Variants in CRHR2 observed in about 807,000 individuals in gnomAD.
CRHR2 encodes the protein corticotropin-releasing hormone receptor 2.
In CRHR2, 53 loss-of-function variants were observed where a neutral mutation model predicts 57.9. That is an observed-to-expected ratio of 0.92 (90% CI 0.73 to 1.15). The LOEUF (loss-of-function observed/expected upper bound fraction) is 1.15. CRHR2 is among the 50% of genes most tolerant of loss of function. CRHR2 has a pLI of 0.00. For missense variants in CRHR2, 532 were observed against 542.6 expected (o/e 0.98, Z 0.19); for synonymous variants, 213 against 220.9 (o/e 0.96, Z 0.32).
chr7:30,695,169 C>T (rs1445899987), intron 1 of CRHR2, among the ~76,000 whole-genome samples: 4 of 101,738 alleles, frequency 3.9e-5, no homozygotes, highest in Admixed American at 2.5e-4. Context: ...GAGGGGCGGG[C>T]GAGGGGTGGG....
intron 9 of CRHR2, 64 bp downstream of exon 9, chr7:30,655,863 C>T: frequency 6.3e-7 from 1 of 1,599,548 alleles, no homozygotes. Flanking sequence ...TGCCAGGAAG[C>T]AGGGGGACGG....
chr7:30,654,717 C>T, intron 11 of CRHR2: 1 of 1,536,206 alleles, frequency 6.5e-7, no homozygotes, highest in African/African-American at 1.4e-5. Context: ...TGGCACACAT[C>T]TCTTTCTGGA....
intron 1 of CRHR2, among the ~76,000 whole-genome samples, chr7:30,693,189 TAAA>T (rs763924626): frequency 6.6e-6 from 1 of 152,104 alleles, no homozygotes; most frequent in African/African-American, 2.4e-5. Flanking sequence ...ACAGAATCCC[TAAA>T]ACCTTTGGAA....
intron 2 of CRHR2, among the ~76,000 whole-genome samples, chr7:30,681,607 A>T (rs1376652287): frequency 6.6e-6 from 1 of 152,200 alleles, no homozygotes; most frequent in Non-Finnish European, 1.5e-5. Context: ...GGCAACGGGA[A>T]CCTACAATGA....
At chr7:30,662,659 C>T (rs1784051530) in intron 6 of CRHR2, 35 bp downstream of exon 6, 7 of 1,601,136 alleles carry the variant, frequency 4.4e-6, no homozygotes, top group Admixed American at 1.7e-5. Context: ...GAAGTCCTCC[C>T]CCCAACTAGG....
chr7:30,670,705 C>T (rs539781759), intron 2 of CRHR2, among the ~76,000 whole-genome samples: 7 of 152,360 alleles, frequency 4.6e-5, no homozygotes, highest in Non-Finnish European at 7.3e-5. Flanking sequence ...ATCTCATCCA[C>T]CCCGTGGGAA....
rs1584079964 is a variant in CRHR2 at position 30,656,017 on chromosome 7, A to G, written c.832-5T>C. The G allele has an allele frequency of 8.7e-7, 1 of 1,144,954 alleles. No homozygotes were observed. The highest frequency in any genetic ancestry group is 1.3e-6 in the Non-Finnish European group (1 of 785,324). 70.9% of individuals were successfully genotyped at this position (1,144,954 alleles called of 1,614,324 possible). A position where few individuals can be genotyped will look rare whatever the true frequency, so the allele number is the denominator to read the frequency against. Reference sequence around the variant, plus strand: ...GAACAGAAATACGAAATTGATCTGGAGGGAGGGCGGGCATGGGAAAGAGGG... The same window carrying G: ...GAACAGAAATACGAAATTGATCTGGGGGGAGGGCGGGCATGGGAAAGAGGG... On this transcript the variant is annotated splice_region_variant and splice_polypyrimidine_tract_variant and intron_variant, in intron 8 of 11. Coordinates refer to ENST00000471646, the MANE Select transcript of CRHR2 (RefSeq NM_001883.5). The surrounding 1 kb of genome is among the most constrained non-coding windows in gnomAD (Gnocchi z 4.4).
At chr7:30,680,197 A>G (rs1199817605) in intron 2 of CRHR2, among the ~76,000 whole-genome samples, 1 of 149,712 alleles carries the variant, frequency 6.7e-6, no homozygotes, top group Non-Finnish European at 1.5e-5. Context: ...TAATTAGGGC[A>G]TTCATCATTC....
At chr7:30,687,388 A>G (rs1479523200), upstream of CRHR2, among the ~76,000 whole-genome samples, 1 of 152,080 alleles carries the variant, frequency 6.6e-6, no homozygotes, top group Non-Finnish European at 1.5e-5. Flanking sequence ...ACTCTGAGTT[A>G]TAAGAGGAAA....
At chr7:30,688,809 C>T (rs1470075157) in intron 2 of CRHR2, 1 of 460,238 alleles carries the variant, frequency 2.2e-6, no homozygotes, top group East Asian at 6.8e-5. Flanking sequence ...TTTGCAAGTC[C>T]TTACCAGGAA....
chr7:30,662,073 G>C, intron 7 of CRHR2, 83 bp downstream of exon 7: 1 of 1,451,352 alleles, frequency 6.9e-7, no homozygotes, highest in South Asian at 1.2e-5. Flanking sequence ...CTGCTCCACG[G>C]CTTGGCCAGA....
upstream of CRHR2, chr7:30,686,415 A>G (rs1784858866): frequency 6.5e-7 from 1 of 1,534,352 alleles, no homozygotes; most frequent in Non-Finnish European, 8.7e-7. Context: ...AGGAAAGCCC[A>G]GGTCCCTGTC....
chr7:30,666,153 G>T (rs1287389859), intron 3 of CRHR2, among the ~76,000 whole-genome samples: 1 of 152,060 alleles, frequency 6.6e-6, no homozygotes, highest in Non-Finnish European at 1.5e-5. Context: ...AGTGACTGAG[G>T]GTGAGTCGAT....
At position 30,653,833 on chromosome 7, in the gene CRHR2, C is replaced by T. The variant is rs1015108714; in HGVS notation, c.1096-233G>A. Among the ~76,000 whole-genome samples the T allele has an allele frequency of 6.6e-6, 1 of 152,180 alleles. No individual in the cohort carries two copies. The highest frequency in any genetic ancestry group is 1.5e-5 in the Non-Finnish European group (1 of 68,034). ...ACCTCCTTTACTCCACACTGTCCTCCCAGATCATCCAGTTTCCTCTGGACA... is the reference window on the plus strand; with the variant it reads ...ACCTCCTTTACTCCACACTGTCCTCTCAGATCATCCAGTTTCCTCTGGACA... On this transcript the variant is annotated intron_variant, in intron 11 of 11. Transcript: ENST00000471646. The surrounding 1 kb of genome is among the most constrained non-coding windows in gnomAD (Gnocchi z 5.0).
In CRHR2 at chr7:30,659,628, G is replaced by C. The variant is rs557393312; in HGVS notation, c.831+945C>G. ...CAGCAGTGGGTGAAAAACCTTCCTA[G>C]TCTTCATCAGTTCACATATATCAAG... On this transcript the variant is annotated intron_variant, in intron 8 of 11. Transcript: ENST00000471646. 2.0e-5 allele frequency among the ~76,000 whole-genome samples: 3 copies of C among 152,282 alleles called. No individual in the cohort carries two copies. The South Asian group carries it at 6.2e-4, about 32-fold the overall frequency.
intron 2 of CRHR2, among the ~76,000 whole-genome samples, chr7:30,677,427 G>A (rs2267717): frequency 0.17 from 25,679 of 152,090 alleles, 2,555 homozygotes; most frequent in East Asian, 0.38. Flanking sequence ...CCACTTCCAT[G>A]CTAATCCACT....
upstream of CRHR2, among the ~76,000 whole-genome samples, chr7:30,687,075 C>T (rs1450856472): frequency 6.6e-6 from 1 of 152,118 alleles, no homozygotes; most frequent in African/African-American, 2.4e-5. Context: ...CATTCTCTGG[C>T]TCATATTTTT....
chr7:30,676,792 G>A (rs931798242), intron 2 of CRHR2, among the ~76,000 whole-genome samples: 7 of 152,208 alleles, frequency 4.6e-5, no homozygotes, highest in African/African-American at 7.2e-5. Context: ...CAGCTTATGT[G>A]TTTCCATTGT....
At chr7:30,691,122 T>C (rs970671912) in intron 1 of CRHR2, among the ~76,000 whole-genome samples, 7 of 152,176 alleles carry the variant, frequency 4.6e-5, no homozygotes, top group African/African-American at 1.7e-4. Flanking sequence ...CTCCAGACAC[T>C]GAGACCTTCC....
Sources: gnomAD v4.1 joint callset for allele counts (sites outside exome capture counted in the v4.1 genomes callset) on GRCh38, gnomAD v4.1.1 for gene constraint, Gnocchi (gnomAD v3.1) non-coding constraint, MANE v1.5 for transcripts, NCBI Gene and HGNC (gene_info 2026-07-23, HGNC 2026-07-21) for gene names.